ZFHX3: variants seen among roughly 807,000 people sequenced by gnomAD.
The protein encoded by ZFHX3 is zinc finger homeobox 3.
Under a neutral mutation model 279.1 loss-of-function variants are expected in ZFHX3, and 42 were observed. The observed-to-expected ratio is 0.15, with a 90% CI of 0.12 to 0.19. ZFHX3 has a LOEUF of 0.19. Ranked by LOEUF, ZFHX3 falls within the 10% of genes least tolerant of loss-of-function variation. The probability of loss-of-function intolerance (pLI) is 1.00; values close to 1 mark genes in which losing one functional copy is unlikely to be tolerated. For missense variants in ZFHX3, 4,981 were observed against 4,754.0 expected, an observed-to-expected ratio of 1.05 and a Z score of -1.40; for synonymous variants, 2,293 against 1,957.8, an observed-to-expected ratio of 1.17 and a Z score of -4.52.
chr16:73,378,221 G>T (rs1187708886), intron 3 of ZFHX3, among the ~76,000 whole-genome samples: 1 of 152,036 alleles, frequency 6.6e-6, no homozygotes, highest in African/African-American at 2.4e-5. Flanking sequence ...GAGTCAACGT[G>T]CTTCCTCTGA....
intron 2 of ZFHX3, among the ~76,000 whole-genome samples, chr16:73,509,144 T>C (rs1597363350): frequency 1.3e-5 from 2 of 152,210 alleles, no homozygotes; most frequent in Non-Finnish European, 2.9e-5. Context: ...TAGAAGCAAG[T>C]TGATCACAAC....
At chr16:73,810,840 T>G (rs1414100211) in intron 1 of ZFHX3, among the ~76,000 whole-genome samples, 1 of 152,154 alleles carries the variant, frequency 6.6e-6, no homozygotes, top group Non-Finnish European at 1.5e-5. Context: ...GTTAGTTAAC[T>G]AGCTGATCAT....
intron 2 of ZFHX3, among the ~76,000 whole-genome samples, chr16:73,640,028 C>G (rs555236127): frequency 2.6e-5 from 4 of 152,182 alleles, no homozygotes; most frequent in Non-Finnish European, 5.9e-5. Flanking sequence ...GCTCTACGTT[C>G]TCTCCTCCAT....
chr16:72,845,509 G>T (rs1030984603), intron 4 of ZFHX3, among the ~76,000 whole-genome samples: 1 of 152,150 alleles, frequency 6.6e-6, no homozygotes, highest in African/African-American at 2.4e-5. Flanking sequence ...GCCTGCGTGG[G>T]CTCTCCGCCC....
chr16:72,880,495 G>A (rs2038435064), intron 4 of ZFHX3, among the ~76,000 whole-genome samples: 1 of 152,142 alleles, frequency 6.6e-6, no homozygotes, highest in African/African-American at 2.4e-5. Flanking sequence ...AAGGCCTCGG[G>A]AGAAGCCAAA....
chr16:73,810,777 T>A (rs1185178370), intron 1 of ZFHX3, among the ~76,000 whole-genome samples: 1 of 152,178 alleles, frequency 6.6e-6, no homozygotes, highest in Admixed American at 6.5e-5. Flanking sequence ...TAAATAGCTG[T>A]ATGGTCTTGA....
At chr16:72,997,293 G>A (rs748258209) in intron 1 of ZFHX3, among the ~76,000 whole-genome samples, 1 of 152,122 alleles carries the variant, frequency 6.6e-6, no homozygotes, top group Admixed American at 6.6e-5. Flanking sequence ...TGTGAAACTT[G>A]AACAACCGGA....
intron 2 of ZFHX3, among the ~76,000 whole-genome samples, chr16:73,514,919 C>CT: frequency 6.6e-6 from 1 of 151,944 alleles, no homozygotes; most frequent in East Asian, 1.9e-4. Context: ...CCTCTCTCTC[C>CT]CCCACATATG....
intron 1 of ZFHX3, chr16:73,794,141 C>T (rs1249397663): frequency 1.3e-5 from 2 of 152,196 alleles, no homozygotes; most frequent in African/African-American, 4.8e-5. Flanking sequence ...AGGTTAAAGG[C>T]CACGGGAAAG....
chr16:73,754,194 C>T (rs561488505), intron 1 of ZFHX3, among the ~76,000 whole-genome samples: 2 of 152,222 alleles, frequency 1.3e-5, no homozygotes, highest in African/African-American at 4.8e-5. Flanking sequence ...TCACATCAAC[C>T]GAGCTACAAG....
chr16:72,896,526 G>A (rs972835199), intron 3 of ZFHX3, among the ~76,000 whole-genome samples: 5 of 152,198 alleles, frequency 3.3e-5, no homozygotes, highest in Admixed American at 6.5e-5. Context: ...CAGAGGCTCC[G>A]CTGTGCGACT....
chr16:73,705,619 A>G (rs1378016631), intron 1 of ZFHX3, among the ~76,000 whole-genome samples: 1 of 152,020 alleles, frequency 6.6e-6, no homozygotes. Flanking sequence ...CTAGACATGC[A>G]TTTCCTCCAC....
rs1048693484 is a variant in ZFHX3 at position 73,323,389 on chromosome 16, A to G, written c.-1290-5053T>C. Among the ~76,000 whole-genome samples the G allele has an allele frequency of 1.8e-4, 27 of 152,298 alleles. 1 individual carries two copies. The South Asian group carries it at 2.5e-3, about 14-fold the overall frequency. Reference sequence around the variant, plus strand: ...TAAGTGGGAGGAAAACCAAGAAAGTATGGGATTCCTGAAGCCAAGGGAAAA... The same window carrying G: ...TAAGTGGGAGGAAAACCAAGAAAGTGTGGGATTCCTGAAGCCAAGGGAAAA... On this transcript the variant is annotated intron_variant, in intron 3 of 17. Transcript: ENST00000641206.
rs375327610 is a variant in ZFHX3 at position 72,829,650 on chromosome 16, T to C, written c.3529+129A>G. 7 of 989,098 alleles carry C rather than the reference T, an allele frequency of 7.1e-6. No homozygotes were observed. In the African/African-American group the frequency reaches 8.1e-5, roughly 11 times the overall value. 61.3% of individuals were successfully genotyped at this position (989,098 alleles called of 1,614,324 possible). A position where few individuals can be genotyped will look rare whatever the true frequency, so the allele number is the denominator to read the frequency against. On this transcript the variant is annotated intron_variant, in intron 5 of 9. Transcript: ENST00000268489. ...AACGAAATCTCCCTCCCACTCATCC[T>C]TTTTCTGGGCAGACTAAGGATGTAT... is the stretch of plus-strand genomic sequence containing the variant.
chr16:73,312,502 C>T (rs955979376), intron 4 of ZFHX3, among the ~76,000 whole-genome samples: 3 of 152,066 alleles, frequency 2.0e-5, no homozygotes, highest in African/African-American at 4.8e-5. Context: ...AGGTTGTTGC[C>T]GAGAGGACAG....
chr16:73,505,333 C>T (rs1447694141), intron 2 of ZFHX3, among the ~76,000 whole-genome samples: 2 of 152,114 alleles, frequency 1.3e-5, no homozygotes, highest in African/African-American at 4.8e-5. Flanking sequence ...CCTGAGAAAG[C>T]TTACGTCACT....
Position 72,958,068 on chromosome 16 carries a change from T to C in ZFHX3, c.2078A>G (p.Lys693Arg). ...QQTLEAHMKE[K>R]HPEPGGSCVY... Reference sequence around the variant, plus strand: ...ACAGGAGCCCCCCGGCTCCGGGTGCTTCTCCTTCATGTGTGCCTCCAGGGT... The same window carrying C: ...ACAGGAGCCCCCCGGCTCCGGGTGCCTCTCCTTCATGTGTGCCTCCAGGGT... The change falls in exon 2 of 10, where the codon AAG becomes AGG. Residue 693 changes from lysine (K) to arginine (R), a missense_variant. Coordinates refer to ENST00000268489, the MANE Select transcript of ZFHX3 (RefSeq NM_006885.4). 6.2e-7 allele frequency: 1 copy of C among 1,613,986 alleles called. No individual in the cohort carries two copies. Among genetic ancestry groups the C allele is most frequent in the Non-Finnish European group, 8.5e-7 (1 of 1,180,018 alleles).
intron 2 of ZFHX3, among the ~76,000 whole-genome samples, chr16:73,599,064 G>A (rs2052083234): frequency 6.6e-6 from 1 of 152,134 alleles, no homozygotes; most frequent in Admixed American, 6.5e-5. Context: ...CCCGGCCTTT[G>A]AATACTATCT....
chr16:73,718,304 G>C (rs370018951), intron 1 of ZFHX3, among the ~76,000 whole-genome samples: 1 of 152,062 alleles, frequency 6.6e-6, no homozygotes, highest in African/African-American at 2.4e-5. Flanking sequence ...CCAGCTACTC[G>C]GGAGGCTGAG....
Sources: gnomAD v4.1 joint callset for allele counts (sites outside exome capture counted in the v4.1 genomes callset) on GRCh38, gnomAD v4.1.1 for gene constraint, MANE v1.5 for transcripts, NCBI Gene and HGNC (gene_info 2026-07-23, HGNC 2026-07-21) for gene names.